Variants in TMEM67 observed in about 807,000 individuals in gnomAD.
TMEM67 encodes transmembrane protein 67, also known as meckelin.
In TMEM67, 124 loss-of-function variants were observed where a neutral mutation model predicts 136.6. The observed-to-expected ratio is 0.91, with a 90% CI of 0.78 to 1.05. TMEM67 has a LOEUF of 1.05. Ranked by LOEUF, TMEM67 falls within the 50% of genes least tolerant of loss-of-function variation. TMEM67 has a pLI of 0.00. For missense variants in TMEM67, 1,107 were observed against 1,178.4 expected, an observed-to-expected ratio of 0.94 and a Z score of 0.89; for synonymous variants, 364 against 390.5, an observed-to-expected ratio of 0.93 and a Z score of 0.80.
intron 7 of TMEM67, among the ~76,000 whole-genome samples, chr8:93,776,668 G>A (rs573564065): frequency 1.3e-5 from 2 of 152,206 alleles, no homozygotes; most frequent in African/African-American, 4.8e-5. Flanking sequence ...TGATTTGCAT[G>A]TGTTGAACCA....
At chr8:93,800,882 A>G (rs909619483) in intron 21 of TMEM67, among the ~76,000 whole-genome samples, 1 of 152,162 alleles carries the variant, frequency 6.6e-6, no homozygotes, top group Non-Finnish European at 1.5e-5. Flanking sequence ...TTATATCATG[A>G]AACCTCACTC....
chr8:93,787,894 T>A lies in TMEM67; in HGVS notation c.1463T>A (p.Ile488Asn). ...AATGGAAACATCTACCCTCCCTTAA[T>A]CACCATTGCCTACAGTGACATTGAT... ...TINGNIYPPL[I>N]TIAYSDIDIK... Residue 488 changes from isoleucine to asparagine, a missense_variant, in exon 14 of 28, where the codon ATC (isoleucine) becomes AAC (asparagine). Ile to Asn is a moderately radical substitution (Grantham distance 149). This residue lies in a region of TMEM67 where 925 missense variants were observed against 1,002.4 expected (regional missense o/e 0.92). Coordinates refer to ENST00000453321, the MANE Select transcript of TMEM67 (RefSeq NM_153704.6). The A allele has an allele frequency of 6.2e-7, 1 of 1,614,128 alleles. No homozygotes were observed. The highest frequency in any genetic ancestry group is 8.5e-7 in the Non-Finnish European group (1 of 1,180,000).
intron 23 of TMEM67, among the ~76,000 whole-genome samples, chr8:93,807,341 A>T (rs767725209): frequency 6.6e-6 from 1 of 152,160 alleles, no homozygotes; most frequent in African/African-American, 2.4e-5. Flanking sequence ...TCTTTATCAC[A>T]GAGGTTATTT....
intron 10 of TMEM67, among the ~76,000 whole-genome samples, chr8:93,781,968 G>C (rs542605767): frequency 6.6e-6 from 1 of 152,034 alleles, no homozygotes; most frequent in Non-Finnish European, 1.5e-5. Context: ...AACCAGGCTG[G>C]AGTGCAGTGG....
downstream of TMEM67, among the ~76,000 whole-genome samples, chr8:93,819,692 G>A (rs533168463): frequency 1.3e-5 from 2 of 152,224 alleles, no homozygotes; most frequent in South Asian, 4.1e-4. Flanking sequence ...AAAAACAAGT[G>A]CAACCAAAGC....
downstream of TMEM67, among the ~76,000 whole-genome samples, chr8:93,822,511 G>A (rs1407251266): frequency 1.3e-5 from 2 of 152,334 alleles, no homozygotes; most frequent in South Asian, 2.1e-4. Flanking sequence ...GCAGTGGAGT[G>A]CACAGTAACC....
At position 93,755,067 on chromosome 8, in the gene TMEM67, C is replaced by T; in HGVS notation, c.153C>T (p.Asn51=). ...TCCAGCAGCCGGAGAAGTGCGACAA[C>T]AACCAGTACTTTGATATCTCCGCCC... ...FPFQQPEKCD[N]NQYFDISALS... is the part of the protein sequence containing the mutation. The change falls in exon 1 of 28, where the codon AAC becomes AAT. Residue 51 remains asparagine, a synonymous_variant. Transcript: ENST00000453321. 1 of 1,614,228 alleles carries T rather than the reference C, an allele frequency of 6.2e-7. No individual in the cohort carries two copies. The highest frequency in any genetic ancestry group is 8.5e-7 in the Non-Finnish European group (1 of 1,180,046).
intron 26 of TMEM67, among the ~76,000 whole-genome samples, chr8:93,812,081 G>A (rs183014178): frequency 4.5e-4 from 68 of 151,634 alleles, no homozygotes; most frequent in Middle Eastern, 6.8e-3. Context: ...CCCAGGAAGC[G>A]GAGGTTGTGG....
At chr8:93,813,168 T>C (rs1386306112) in intron 26 of TMEM67, among the ~76,000 whole-genome samples, 1 of 152,140 alleles carries the variant, frequency 6.6e-6, no homozygotes, top group African/African-American at 2.4e-5. Context: ...CTAAGTATGT[T>C]CTTCCATTTC....
At chr8:93,782,849 A>G (rs1813909594) in intron 11 of TMEM67, among the ~76,000 whole-genome samples, 1 of 152,034 alleles carries the variant, frequency 6.6e-6, no homozygotes, top group South Asian at 2.1e-4. Context: ...TGCTGAGATT[A>G]CAGGCATGAG....
chr8:93,803,683 A>G lies in TMEM67; in HGVS notation c.2321A>G (p.Asn774Ser). Reference sequence around the variant, plus strand: ...TTCGTTGATTTATGCTCTATGAGTAATGTAAGTACTTTCTGACTTCATCTT... The same window carrying G: ...TTCGTTGATTTATGCTCTATGAGTAGTGTAAGTACTTTCTGACTTCATCTT... ...RQFVDLCSMS[N>S]ISVFLLSHKC... Residue 774 changes from asparagine (N) to serine (S), a missense_variant and splice_region_variant, in exon 22 of 28, where the codon AAT (asparagine) becomes AGT (serine). Physicochemically the swap from Asn to Ser is conservative, Grantham distance 46. Around this residue, in one of 3 missense-constraint regions of TMEM67, gnomAD observed 925 missense variants for 1,002.4 expected, o/e 0.92. Coordinates refer to ENST00000453321, the MANE Select transcript of TMEM67 (RefSeq NM_153704.6). The G allele has an allele frequency of 6.5e-7, 1 of 1,530,024 alleles. No individual in the cohort carries two copies. The highest frequency in any genetic ancestry group is 1.4e-5 in the African/African-American group (1 of 73,330). 94.8% of individuals were successfully genotyped at this position (1,530,024 alleles called of 1,614,324 possible). A position where few individuals can be genotyped will look rare whatever the true frequency, so the allele number is the denominator to read the frequency against.
chr8:93,815,854 C>A (rs116026843), intron 27 of TMEM67, among the ~76,000 whole-genome samples: 27 of 152,256 alleles, frequency 1.8e-4, no homozygotes, highest in Admixed American at 1.2e-3. Context: ...ACACCTCCCC[C>A]ACCTGTGTGG....
rs759746440 is a variant in TMEM67 at position 93,758,577 on chromosome 8, G to A, written c.406+1G>A. 1 of 1,607,850 alleles carries A rather than the reference G, an allele frequency of 6.2e-7. No homozygotes were observed. Among genetic ancestry groups the A allele is most frequent in the South Asian group, 1.1e-5 (1 of 90,902 alleles). Reference sequence around the variant, plus strand: ...CACTGTCCCATTGGCCATATTTTAGGTAAGAATTAGATTCCTTATAAAGAA... The same window carrying A: ...CACTGTCCCATTGGCCATATTTTAGATAAGAATTAGATTCCTTATAAAGAA... On this transcript the variant is annotated splice_donor_variant, in intron 3 of 27. Transcript: ENST00000453321. LOFTEE classifies it high-confidence loss of function.
chr8:93,816,153 T>C (rs1808897558), intron 27 of TMEM67, among the ~76,000 whole-genome samples: 1 of 152,206 alleles, frequency 6.6e-6, no homozygotes, highest in African/African-American at 2.4e-5. Context: ...AGAATTTGTA[T>C]TATTAATTCA....
chr8:93,825,281 G>A, the TMEM67 span, among the ~76,000 whole-genome samples: 6 of 152,278 alleles, frequency 3.9e-5, no homozygotes, highest in South Asian at 2.1e-4. Flanking sequence ...GAGAGCTGGC[G>A]CAAGGACAGT....
chr8:93,785,130 A>G, intron 11 of TMEM67, 92 bp from the exon 12 acceptor site: 9 of 844,804 alleles, frequency 1.1e-5, no homozygotes, highest in Non-Finnish European at 1.4e-5. Flanking sequence ...TATGCTTGCT[A>G]ATTTTCAATT....
In TMEM67 at chr8:93,817,944, A is replaced by G. The variant is rs1212071483; in HGVS notation, c.*1492A>G. Reference sequence around the variant, plus strand: ...AGCATATGAAAGAAATTCAACCATCATTCAACATAGAAGAAGTTAATTTTA... The same window carrying G: ...AGCATATGAAAGAAATTCAACCATCGTTCAACATAGAAGAAGTTAATTTTA... On this transcript the variant is annotated 3_prime_UTR_variant, in exon 28 of 28. Coordinates refer to ENST00000453321, the MANE Select transcript of TMEM67 (RefSeq NM_153704.6). The G allele has an allele frequency of 6.6e-6, 1 of 152,258 alleles. No individual in the cohort carries two copies. 9.4% of individuals were successfully genotyped at this position (152,258 alleles called of 1,614,324 possible). A position where few individuals can be genotyped will look rare whatever the true frequency, so the allele number is the denominator to read the frequency against.
chr8:93,826,899 G>C, the TMEM67 span, among the ~76,000 whole-genome samples: 1 of 151,880 alleles, frequency 6.6e-6, no homozygotes, highest in East Asian at 1.9e-4. Context: ...GTGCAATCTC[G>C]GCTCACCGCA....
In TMEM67 at chr8:93,765,392, G is replaced by T. The variant is rs773235020; in HGVS notation, c.507-14G>T. 4.4e-6 allele frequency: 7 copies of T among 1,602,038 alleles called. No individual in the cohort carries two copies. In the South Asian group the frequency reaches 4.4e-5, roughly 10 times the overall value. ...TATTAACATTTTTAAAATTATTTTT[G>T]TTATATTGAACAGGTGCGTCCGATG... On this transcript the variant is annotated splice_polypyrimidine_tract_variant and intron_variant, in intron 4 of 27. Transcript: ENST00000453321.
Sources: allele counts gnomAD v4.1 joint callset (sites outside exome capture counted in the v4.1 genomes callset), GRCh38; gene constraint gnomAD v4.1.1; regional missense constraint gnomAD v4.1.1; transcripts MANE v1.5; gene names NCBI Gene and HGNC (gene_info 2026-07-23, HGNC 2026-07-21).